CSMD2: variants seen among roughly 807,000 people sequenced by gnomAD.
CSMD2 encodes the protein CUB and Sushi multiple domains 2.
Under a neutral mutation model 398.5 loss-of-function variants are expected in CSMD2, and 130 were observed. The ratio of observed to expected loss-of-function variants is 0.33; its 90% confidence interval spans 0.28 to 0.38. CSMD2 has a LOEUF of 0.38. Ranked by LOEUF, CSMD2 falls within the 10% of genes least tolerant of loss-of-function variation. The pLI, the probability that CSMD2 is intolerant of heterozygous loss-of-function variation, is 1.00. For synonymous variants in CSMD2, 1,828 were observed against 1,908.5 expected, an observed-to-expected ratio of 0.96 and a Z score of 1.10; for missense variants, 3,829 against 4,764.9, an observed-to-expected ratio of 0.80 and a Z score of 5.78.
At chr1:33,979,987 G>C (rs941815814) in intron 3 of CSMD2, among the ~76,000 whole-genome samples, 1 of 152,248 alleles carries the variant, frequency 6.6e-6, no homozygotes, top group East Asian at 1.9e-4. Flanking sequence ...TTCTGTGCCC[G>C]CTTTAGAGAT....
At position 33,939,664 on chromosome 1, in the gene CSMD2, G is replaced by A. The variant is rs570638804; in HGVS notation, c.518-3710C>T. 3.9e-5 allele frequency among the ~76,000 whole-genome samples: 6 copies of A among 152,230 alleles called. No homozygotes were observed. The East Asian group carries it at 1.2e-3, about 29-fold the overall frequency. ...TCTTCTTAAAAAGTCACTCTCAAAA[G>A]CTCACTGCTCTTTACTTAATGAGCT... On this transcript the variant is annotated intron_variant, in intron 3 of 70. Coordinates refer to ENST00000373381, the MANE Select transcript of CSMD2 (RefSeq NM_001281956.2).
intron 13 of CSMD2, among the ~76,000 whole-genome samples, chr1:33,753,367 C>T (rs1260991942): frequency 6.6e-6 from 1 of 152,230 alleles, no homozygotes; most frequent in African/African-American, 2.4e-5. Flanking sequence ...GCTGCAACCA[C>T]AGCTCAAAGG....
chr1:33,973,482 G>C (rs1246734549), intron 3 of CSMD2, among the ~76,000 whole-genome samples: 1 of 152,182 alleles, frequency 6.6e-6, no homozygotes, highest in Non-Finnish European at 1.5e-5. Flanking sequence ...GACCCTGAGG[G>C]GGTCCTGGGT....
intron 22 of CSMD2, among the ~76,000 whole-genome samples, chr1:33,707,699 A>C (rs144860433): frequency 5.0e-5 from 1 of 20,056 alleles, no homozygotes; most frequent in African/African-American, 2.5e-4. Flanking sequence ...GCGCGCGCAC[A>C]CACACACACA....
chr1:33,743,278 A>G lies in CSMD2; in HGVS notation c.2173+2T>C. The G allele has an allele frequency of 6.3e-7, 1 of 1,591,636 alleles. No individual in the cohort carries two copies. The highest frequency in any genetic ancestry group is 8.6e-7 in the Non-Finnish European group (1 of 1,166,298). On this transcript the variant is annotated splice_donor_variant, in intron 14 of 70. Transcript: ENST00000373381. LOFTEE classifies it high-confidence loss of function. ...CCAGCTGGTGACAGAGGGAGGACTC[A>G]CTGGTAAAAGTGATGTTGAAGCCCC...
intron 2 of CSMD2, among the ~76,000 whole-genome samples, chr1:34,041,333 G>T (rs978179343): frequency 5.3e-5 from 8 of 152,156 alleles, no homozygotes; most frequent in Non-Finnish European, 1.0e-4. Context: ...ACTGAGACCT[G>T]AGGGTCTTCC....
chr1:33,954,923 T>C (rs1350481305), intron 3 of CSMD2, among the ~76,000 whole-genome samples: 2 of 152,174 alleles, frequency 1.3e-5, no homozygotes, highest in Non-Finnish European at 2.9e-5. Context: ...ATGTACTTAA[T>C]GCCAATGAAC....
chr1:33,521,442 C>T (rs780942043), intron 68 of CSMD2, 21 bp downstream of exon 68: 11 of 1,487,476 alleles, frequency 7.4e-6, no homozygotes, highest in South Asian at 2.3e-5. Context: ...CCCACACTTC[C>T]GGGGGACAAG....
chr1:34,022,517 G>A (rs1271627970), intron 3 of CSMD2, among the ~76,000 whole-genome samples: 4 of 152,172 alleles, frequency 2.6e-5, no homozygotes, highest in African/African-American at 7.2e-5. Context: ...GAAAATACAC[G>A]AGTGATGCAC....
intron 3 of CSMD2, among the ~76,000 whole-genome samples, chr1:33,976,683 A>G (rs1393676617): frequency 6.6e-6 from 1 of 152,144 alleles, no homozygotes; most frequent in Non-Finnish European, 1.5e-5. Flanking sequence ...AGATTCCACC[A>G]TCAGAGAACC....
chr1:33,900,314 T>A (rs1642662431), intron 5 of CSMD2, among the ~76,000 whole-genome samples: 1 of 152,154 alleles, frequency 6.6e-6, no homozygotes, highest in African/African-American at 2.4e-5. Flanking sequence ...CATGGTGCCC[T>A]CCTTGGTGTC....
intron 5 of CSMD2, among the ~76,000 whole-genome samples, chr1:33,914,442 A>T (rs899736872): frequency 6.6e-6 from 1 of 151,774 alleles, no homozygotes; most frequent in Non-Finnish European, 1.5e-5. Flanking sequence ...GGCTGCACAC[A>T]TGTATGTGTA....
At chr1:33,909,703 AT>A (rs1464211178) in intron 5 of CSMD2, among the ~76,000 whole-genome samples, 1 of 152,184 alleles carries the variant, frequency 6.6e-6, no homozygotes, top group Non-Finnish European at 1.5e-5. Flanking sequence ...GCTGGTGCTC[AT>A]TGTGAAGATG....
rs182072769 is a variant in CSMD2, at chr1:33,852,378, T to C, written c.921-5382A>G. 3.3e-3 allele frequency among the ~76,000 whole-genome samples: 508 copies of C among 152,334 alleles called. 4 individuals are homozygous for C. The highest frequency in any genetic ancestry group is 0.012 in the African/African-American group (492 of 41,572). On this transcript the variant is annotated intron_variant, in intron 5 of 70. Coordinates refer to ENST00000373381, the MANE Select transcript of CSMD2 (RefSeq NM_001281956.2). ...AGAATAAAGTCCAAGCTTTTTAATG[T>C]CTTTCCTCTTCAATGACACACACTT...
intron 27 of CSMD2, among the ~76,000 whole-genome samples, chr1:33,654,717 G>A (rs941421872): frequency 6.6e-6 from 1 of 152,226 alleles, no homozygotes; most frequent in Non-Finnish European, 1.5e-5. Context: ...GCCAGTGAGA[G>A]TGGAAAGCCA....
intron 12 of CSMD2, among the ~76,000 whole-genome samples, chr1:33,786,247 T>G (rs1417853822): frequency 6.6e-6 from 1 of 152,206 alleles, no homozygotes; most frequent in Non-Finnish European, 1.5e-5. Context: ...ATTCAAACCG[T>G]TGGCAAAATA....
intron 55 of CSMD2, among the ~76,000 whole-genome samples, chr1:33,553,825 T>C (rs1207497963): frequency 6.6e-6 from 1 of 152,118 alleles, no homozygotes; most frequent in African/African-American, 2.4e-5. Context: ...TCCTGTGCAT[T>C]GTAGGACGTT....
intron 5 of CSMD2, among the ~76,000 whole-genome samples, chr1:33,898,443 A>G (rs1216691302): frequency 2.6e-5 from 4 of 152,202 alleles, no homozygotes; most frequent in Non-Finnish European, 5.9e-5. Context: ...GCAGCTGACT[A>G]TCACAGATAA....
At chr1:33,714,508 C>T (rs1202287003) in intron 21 of CSMD2, 79 bp downstream of exon 21, 22 of 1,498,642 alleles carry the variant, frequency 1.5e-5, no homozygotes, top group South Asian at 4.9e-5. Flanking sequence ...GCCTGTGTGC[C>T]GTCCACCACC....
Sources: allele counts gnomAD v4.1 joint callset (sites outside exome capture counted in the v4.1 genomes callset), GRCh38; gene constraint gnomAD v4.1.1; transcripts MANE v1.5; gene names NCBI Gene and HGNC (gene_info 2026-07-23, HGNC 2026-07-21).